The following SRPK1 variants were observed in gnomAD, a reference collection of about 807,000 sequenced individuals.
SRPK1 encodes the protein SRSF protein kinase 1.
A neutral mutation model predicts 89.5 loss-of-function variants in SRPK1; 52 were observed. That is an observed-to-expected ratio of 0.58 (90% confidence interval 0.46 to 0.73). The LOEUF is 0.73. SRPK1 is among the 30% of genes least tolerant of loss of function. The pLI is 0.00. For missense variants in SRPK1, 603 were observed against 780.6 expected, an observed-to-expected ratio of 0.77 and a Z score of 2.71; for synonymous variants, 255 against 270.2, an observed-to-expected ratio of 0.94 and a Z score of 0.55.
At chr6:35,868,668 G>C (rs1317452505) in intron 12 of SRPK1, among the ~76,000 whole-genome samples, 1 of 152,128 alleles carries the variant, frequency 6.6e-6, no homozygotes, top group African/African-American at 2.4e-5. Flanking sequence ...GAAAATGGGA[G>C]TAGGGGAGTA....
chr6:35,910,920 T>C (rs970388191), intron 2 of SRPK1, among the ~76,000 whole-genome samples: 53 of 152,314 alleles, frequency 3.5e-4, no homozygotes, highest in Admixed American at 3.3e-3. Flanking sequence ...AATAGATTCC[T>C]TTGAAAATAT....
chr6:35,906,966 T>TA (rs763477609), intron 2 of SRPK1, among the ~76,000 whole-genome samples: 11 of 152,210 alleles, frequency 7.2e-5, no homozygotes, highest in Admixed American at 2.0e-4. Context: ...AGTTATGAGA[T>TA]AAAGTTTCTC....
rs144532725 is a variant in SRPK1, at chr6:35,865,750, A to G, written c.1512+3260T>C. Among the ~76,000 whole-genome samples the G allele has an allele frequency of 2.0e-3, 308 of 152,328 alleles. 1 individual carries two copies. Among genetic ancestry groups the G allele is most frequent in the Non-Finnish European group, 3.4e-3 (233 of 68,020 alleles). ...AAAACTGGACTGCCATATGCAGACG[A>G]ATAAAAGATCCCTATCACTCACTGT... On this transcript the variant is annotated intron_variant, in intron 12 of 15. Coordinates refer to ENST00000373825, the MANE Select transcript of SRPK1 (RefSeq NM_003137.5).
chr6:35,882,103 ATAGTAG>A (rs1229277608), intron 6 of SRPK1, among the ~76,000 whole-genome samples: 1 of 132,782 alleles, frequency 7.5e-6, no homozygotes, highest in Non-Finnish European at 1.6e-5. Flanking sequence ...AGTAGTAGCA[ATAGTAG>A]TAGTAGTACT....
Position 35,842,739 on chromosome 6 carries a change from A to AC in SRPK1, c.1621-136_1621-135insG, listed in dbSNP as rs1769339116. The AC allele has an allele frequency of 7.7e-6, 4 of 520,054 alleles. No individual in the cohort carries two copies. In the South Asian group the frequency reaches 1.4e-4, roughly 18 times the overall value. 32.2% of individuals were successfully genotyped at this position (520,054 alleles called of 1,614,324 possible). A position where few individuals can be genotyped will look rare whatever the true frequency, so the allele number is the denominator to read the frequency against. ...TTATAGATCATTTAAAAAAAAAAAA[A>AC]AACAAAAACTTAAGATTATTCCTAA... is the stretch of plus-strand genomic sequence containing the variant. On this transcript the variant is annotated intron_variant, in intron 13 of 15. Transcript: ENST00000373825.
At chr6:35,895,460 TG>T (rs1770610584) in intron 2 of SRPK1, among the ~76,000 whole-genome samples, 1 of 152,024 alleles carries the variant, frequency 6.6e-6, no homozygotes, top group Non-Finnish European at 1.5e-5. Context: ...TGTGTGTGTG[TG>T]TGTGTGTTCA....
In SRPK1 at chr6:35,834,144, A is replaced by G. The variant is rs1049243786; in HGVS notation, c.*1160T>C. 3 of 135,862 alleles carry G rather than the reference A, an allele frequency of 2.2e-5. No individual in the cohort carries two copies. The Admixed American group carries it at 2.2e-4, about 10-fold the overall frequency. 8.4% of individuals were successfully genotyped at this position (135,862 alleles called of 1,614,324 possible). On this transcript the variant is annotated 3_prime_UTR_variant, in exon 16 of 16. Transcript: ENST00000373825. ...CAGCAGAGAATGGCTAATCTTAAAAAATAACGAACCAACCAACCAAAAAAC... is the reference window on the plus strand; with the variant it reads ...CAGCAGAGAATGGCTAATCTTAAAAGATAACGAACCAACCAACCAAAAAAC...
chr6:35,861,730 G>A (rs1194470838), intron 12 of SRPK1, among the ~76,000 whole-genome samples: 1 of 152,216 alleles, frequency 6.6e-6, no homozygotes, highest in Non-Finnish European at 1.5e-5. Context: ...CTGCCACTTG[G>A]CTGAGGAGGG....
intron 2 of SRPK1, among the ~76,000 whole-genome samples, chr6:35,911,453 G>A (rs560872365): frequency 7.2e-5 from 11 of 152,158 alleles, no homozygotes; most frequent in South Asian, 6.2e-4. Context: ...GGTGGCTCAC[G>A]CCTGTAATCC....
chr6:35,875,653 A>G (rs1272549956), intron 6 of SRPK1, among the ~76,000 whole-genome samples: 1 of 152,206 alleles, frequency 6.6e-6, no homozygotes, highest in Non-Finnish European at 1.5e-5. Context: ...ATAAATACAT[A>G]AGGGATTACA....
At chr6:35,878,847 T>C (rs914987001) in intron 6 of SRPK1, among the ~76,000 whole-genome samples, 5 of 152,078 alleles carry the variant, frequency 3.3e-5, no homozygotes, top group African/African-American at 9.7e-5. Context: ...TCCCAGCACT[T>C]TGGGAGGCCA....
At chr6:35,875,537 A>G (rs981596886) in intron 6 of SRPK1, among the ~76,000 whole-genome samples, 7 of 152,230 alleles carry the variant, frequency 4.6e-5, no homozygotes, top group African/African-American at 1.7e-4. Context: ...GGATAAAATT[A>G]TGAGTTAATA....
chr6:35,876,085 T>TAAAA (rs34493292), intron 6 of SRPK1, among the ~76,000 whole-genome samples: 29 of 77,638 alleles, frequency 3.7e-4, no homozygotes, highest in African/African-American at 1.0e-3. Flanking sequence ...ATTCTTAAAT[T>TAAAA]AAAAAAAAAA....
chr6:35,885,298 C>CAG (rs138504486), intron 6 of SRPK1, among the ~76,000 whole-genome samples: 2,730 of 113,046 alleles, frequency 0.024, 116 homozygotes, highest in African/African-American at 0.069. Context: ...CACACACACA[C>CAG]AGAGAGAGAG....
intron 2 of SRPK1, among the ~76,000 whole-genome samples, chr6:35,896,396 A>T (rs1770627604): frequency 6.6e-6 from 1 of 152,212 alleles, no homozygotes. Context: ...AAGTTTTCCT[A>T]CTCAAGGTAT....
chr6:35,857,453 ACTCT>A, intron 12 of SRPK1, 85 bp from the exon 13 acceptor site: 1 of 1,148,886 alleles, frequency 8.7e-7, no homozygotes, highest in South Asian at 1.4e-5. Flanking sequence ...ATGAAAATAA[ACTCT>A]CTGAAGTTTT....
intron 15 of SRPK1, 32 bp downstream of exon 15, chr6:35,838,305 C>T: frequency 6.9e-7 from 1 of 1,448,602 alleles, no homozygotes; most frequent in Non-Finnish European, 9.3e-7. Context: ...ACACTTCTGC[C>T]TCCTTAATGT....
chr6:35,887,148 G>A (rs576274535), intron 5 of SRPK1, among the ~76,000 whole-genome samples: 5 of 151,948 alleles, frequency 3.3e-5, no homozygotes, highest in Admixed American at 6.6e-5. Flanking sequence ...TAACCACACT[G>A]TTTTTTTCAG....
At chr6:35,885,946 A>C (rs1770398757) in intron 6 of SRPK1, among the ~76,000 whole-genome samples, 2 of 152,336 alleles carry the variant, frequency 1.3e-5, no homozygotes, top group Admixed American at 1.3e-4. Flanking sequence ...TTTAGACTCT[A>C]AACATAAACT....
Sources: gnomAD v4.1 joint callset for allele counts (sites outside exome capture counted in the v4.1 genomes callset) on GRCh38, gnomAD v4.1.1 for gene constraint, MANE v1.5 for transcripts, NCBI Gene and HGNC (gene_info 2026-07-23, HGNC 2026-07-21) for gene names.